PCDHA13: variants seen among roughly 807,000 people sequenced by gnomAD.
PCDHA13 encodes the protein protocadherin alpha-13.
Under a neutral mutation model 64.8 loss-of-function variants are expected in PCDHA13, and 54 were observed. The ratio of observed to expected loss-of-function variants is 0.83; its 90% CI spans 0.67 to 1.04. The LOEUF is 1.04. PCDHA13 is among the 50% of genes least tolerant of loss of function. The probability of loss-of-function intolerance (pLI) is 0.00; values close to 1 mark genes in which losing one functional copy is unlikely to be tolerated. For synonymous variants in PCDHA13, 587 were observed against 564.4 expected (o/e 1.04, Z -0.57); for missense variants, 1,248 against 1,254.3 (o/e 0.99, Z 0.08).
At chr5:140,896,608 C>A (rs1356168334) in intron 1 of PCDHA13, among the ~76,000 whole-genome samples, 2 of 151,832 alleles carry the variant, frequency 1.3e-5, no homozygotes, top group Non-Finnish European at 2.9e-5. Context: ...AACTCCTGGT[C>A]TTAAGTGATC....
chr5:140,941,239 C>CTTTCTTTCTTTCTT (rs2092937531), intron 1 of PCDHA13, among the ~76,000 whole-genome samples: 2 of 134,500 alleles, frequency 1.5e-5, no homozygotes, highest in Non-Finnish European at 1.6e-5. Context: ...TTCTTTCTTT[C>CTTTCTTTCTTTCTT]TTTCTTTCTT....
rs183715022 is a variant in PCDHA13 at position 140,950,136 on chromosome 5, A to G, written c.2395-28813A>G. Among the ~76,000 whole-genome samples, 19 of 152,068 alleles carry G rather than the reference A, an allele frequency of 1.2e-4. No individual in the cohort carries two copies. The East Asian group carries it at 3.7e-3, about 29-fold the overall frequency. ...AATACAAAACCCACAAGACACAGTT[A>G]TAATTTTTGTTTAAGCAGTTATTAT... On this transcript the variant is annotated intron_variant, in intron 1 of 3. Transcript: ENST00000289272.
At chr5:140,939,911 T>C (rs1554213037) in intron 1 of PCDHA13, among the ~76,000 whole-genome samples, 1 of 152,232 alleles carries the variant, frequency 6.6e-6, no homozygotes, top group African/African-American at 2.4e-5. Flanking sequence ...TTCTTTTTTA[T>C]TCTTTTTGTT....
intron 1 of PCDHA13, among the ~76,000 whole-genome samples, chr5:140,917,584 A>T (rs2153544569): frequency 6.6e-6 from 1 of 152,336 alleles, no homozygotes; most frequent in South Asian, 2.1e-4. Context: ...ATTTTTGTTC[A>T]TGCTGAAAGG....
At chr5:140,977,784 A>G (rs1284023783) in intron 1 of PCDHA13, among the ~76,000 whole-genome samples, 1 of 152,366 alleles carries the variant, frequency 6.6e-6, no homozygotes, top group East Asian at 1.9e-4. Context: ...TAAAGGAACT[A>G]TATGAATGAT....
chr5:140,979,020 C>T lies in PCDHA13; in HGVS notation c.2453+13C>T. The T allele has an allele frequency of 6.2e-7, 1 of 1,613,708 alleles. No individual in the cohort carries two copies. Among genetic ancestry groups the T allele is most frequent in the Non-Finnish European group, 8.5e-7 (1 of 1,179,840 alleles). On this transcript the variant is annotated intron_variant, in intron 2 of 3. Transcript: ENST00000289272. ...CAGGCATGCACAGGTATGTATTTCC[C>T]TCCTCATTCACTCAGAAGTAACCTT...
chr5:141,001,492 T>A (rs1190860523), intron 3 of PCDHA13, among the ~76,000 whole-genome samples: 1 of 152,236 alleles, frequency 6.6e-6, no homozygotes, highest in African/African-American at 2.4e-5. Context: ...CTGGAAATGC[T>A]AGCCCAGGTG....
intron 1 of PCDHA13, among the ~76,000 whole-genome samples, chr5:140,910,102 A>G (rs1206018595): frequency 2.6e-5 from 4 of 152,184 alleles, no homozygotes; most frequent in African/African-American, 9.7e-5. Context: ...CCTCCCCTTC[A>G]TTTAAGGGAT....
intron 1 of PCDHA13, among the ~76,000 whole-genome samples, chr5:140,937,771 G>T (rs558321540): frequency 6.6e-6 from 1 of 151,436 alleles, no homozygotes; most frequent in Non-Finnish European, 1.5e-5. Context: ...AATTAGTCGG[G>T]CGTGGTGGCG....
intron 1 of PCDHA13, among the ~76,000 whole-genome samples, chr5:140,937,326 C>A (rs1287239556): frequency 2.0e-5 from 3 of 152,046 alleles, no homozygotes; most frequent in African/African-American, 7.2e-5. Flanking sequence ...CGTGAGCCAC[C>A]GCGCCCGGCT....
chr5:140,977,232 A>G (rs2096751038), intron 1 of PCDHA13, among the ~76,000 whole-genome samples: 1 of 152,368 alleles, frequency 6.6e-6, no homozygotes, highest in East Asian at 1.9e-4. Flanking sequence ...ACCCAATCAT[A>G]GAAAAATTGG....
At chr5:141,006,390 T>G (rs539931677) in intron 3 of PCDHA13, among the ~76,000 whole-genome samples, 149 of 152,058 alleles carry the variant, frequency 9.8e-4, no homozygotes, top group African/African-American at 3.0e-3. Context: ...TTTTTTCTAT[T>G]TTTTAGTAGA....
intron 1 of PCDHA13, among the ~76,000 whole-genome samples, chr5:140,906,677 A>C (rs1239152358): frequency 6.6e-6 from 1 of 152,134 alleles, no homozygotes; most frequent in Admixed American, 6.5e-5. Context: ...CCAAACCTTC[A>C]TTCCTGAAGG....
chr5:140,935,108 A>G (rs1181696268), intron 1 of PCDHA13, among the ~76,000 whole-genome samples: 3 of 152,148 alleles, frequency 2.0e-5, no homozygotes, highest in Non-Finnish European at 4.4e-5. Context: ...TTTTTCAAAG[A>G]GCTTTCACTT....
intron 1 of PCDHA13, among the ~76,000 whole-genome samples, chr5:140,933,588 G>A (rs2089253151): frequency 6.6e-6 from 1 of 151,988 alleles, no homozygotes; most frequent in Non-Finnish European, 1.5e-5. Flanking sequence ...TGGGTTTTTA[G>A]GTTGATTTGT....
At chr5:141,006,755 A>G (rs1554260896) in intron 3 of PCDHA13, among the ~76,000 whole-genome samples, 1 of 152,190 alleles carries the variant, frequency 6.6e-6, no homozygotes, top group East Asian at 1.9e-4. Flanking sequence ...TAAATGGAGA[A>G]TGAAGAATAG....
chr5:140,882,142 G>T lies in PCDHA13; in HGVS notation c.-127G>T. 2 of 1,488,266 alleles carry T rather than the reference G, an allele frequency of 1.3e-6. No homozygotes were observed. The highest frequency in any genetic ancestry group is 1.8e-6 in the Non-Finnish European group (2 of 1,113,330). 92.2% of individuals were successfully genotyped at this position (1,488,266 alleles called of 1,614,324 possible). A position where few individuals can be genotyped will look rare whatever the true frequency, so the allele number is the denominator to read the frequency against. On this transcript the variant is annotated 5_prime_UTR_variant, in exon 1 of 4. Transcript: ENST00000289272. ...TTTCTTTCTTCCTGCAGAAAATATA[G>T]CAGAAAGCGGAATACCTCTTGCGAA...
intron 1 of PCDHA13, among the ~76,000 whole-genome samples, chr5:140,901,970 G>T (rs1178784932): frequency 1.3e-5 from 2 of 151,954 alleles, no homozygotes; most frequent in Non-Finnish European, 2.9e-5. Context: ...TCGTAAATGG[G>T]ATTACTTTTT....
chr5:140,963,151 A>G (rs544176369), intron 1 of PCDHA13, among the ~76,000 whole-genome samples: 2 of 152,326 alleles, frequency 1.3e-5, no homozygotes, highest in South Asian at 4.1e-4. Context: ...ATGAATTTAA[A>G]AATGACACAT....
Sources: allele counts gnomAD v4.1 joint callset (sites outside exome capture counted in the v4.1 genomes callset), GRCh38; gene constraint gnomAD v4.1.1; transcripts MANE v1.5; gene names NCBI Gene and HGNC (gene_info 2026-07-23, HGNC 2026-07-21).